CTNND2: variants seen among roughly 807,000 people sequenced by gnomAD.
CTNND2 encodes the protein catenin delta-2.
Under a neutral mutation model 144.4 loss-of-function variants are expected in CTNND2, and 22 were observed. The observed-to-expected ratio is 0.15, with a 90% CI of 0.11 to 0.22. The LOEUF is 0.22. CTNND2 is among the 10% of genes least tolerant of loss of function. CTNND2 has a pLI of 1.00. For missense variants in CTNND2, 1,353 were observed against 1,618.8 expected, an observed-to-expected ratio of 0.84 and a Z score of 2.82; for synonymous variants, 751 against 695.6, an observed-to-expected ratio of 1.08 and a Z score of -1.25.
intron 2 of CTNND2, among the ~76,000 whole-genome samples, chr5:11,688,152 G>C (rs951638331): frequency 2.0e-5 from 3 of 152,132 alleles, no homozygotes; most frequent in African/African-American, 7.2e-5. Context: ...ACTGCCACTG[G>C]CTATTACTAC....
intron 2 of CTNND2, among the ~76,000 whole-genome samples, chr5:11,598,488 T>C (rs1366995500): frequency 1.3e-5 from 2 of 152,186 alleles, no homozygotes; most frequent in African/African-American, 2.4e-5. Flanking sequence ...AAGGTTGATA[T>C]TGTATACACA....
chr5:11,139,603 C>T lies in CTNND2; in HGVS notation c.2159+19973G>A, dbSNP rs549333376. Among the ~76,000 whole-genome samples, 23 of 152,310 alleles carry T rather than the reference C, an allele frequency of 1.5e-4. No homozygotes were observed. The South Asian group carries it at 3.7e-3, about 25-fold the overall frequency. On this transcript the variant is annotated intron_variant, in intron 12 of 21. Transcript: ENST00000304623. ...GTTTGCTGCTAGACCTCGTGTCCTG[C>T]TGGCCAGCTGCTCGTGCAGCTCTGC...
At chr5:11,676,045 G>T (rs1034178450) in intron 2 of CTNND2, among the ~76,000 whole-genome samples, 1 of 151,594 alleles carries the variant, frequency 6.6e-6, no homozygotes, top group African/African-American at 2.4e-5. Flanking sequence ...ATCCTGACTG[G>T]GAGACACCTC....
intron 1 of CTNND2, among the ~76,000 whole-genome samples, chr5:11,822,818 G>C (rs1421962492): frequency 6.6e-6 from 1 of 152,100 alleles, no homozygotes; most frequent in Non-Finnish European, 1.5e-5. Flanking sequence ...AATGGAAGTG[G>C]ATCCTTCCCT....
In CTNND2 at chr5:11,602,469, C is replaced by A. The variant is rs115279735; in HGVS notation, c.175-37413G>T. Among the ~76,000 whole-genome samples, 1,177 of 151,762 alleles carry A rather than the reference C, an allele frequency of 7.8e-3. 10 individuals carry two copies. The highest frequency in any genetic ancestry group is 0.027 in the African/African-American group (1,098 of 41,432). ...CCCTCTTGGCAGTTGAAGCAAGAAA[C>A]AAGGGCACTGCCCTTTGGCCACAGA... is the stretch of plus-strand genomic sequence containing the variant. On this transcript the variant is annotated intron_variant, in intron 2 of 21. Coordinates refer to ENST00000304623, the MANE Select transcript of CTNND2 (RefSeq NM_001332.4).
chr5:11,011,011 C>T (rs1310083361), intron 18 of CTNND2, among the ~76,000 whole-genome samples: 1 of 152,222 alleles, frequency 6.6e-6, no homozygotes, highest in African/African-American at 2.4e-5. Context: ...TTCTTCAAGA[C>T]ATGAGCTCAC....
chr5:11,244,280 A>ATTT (rs11322159), intron 9 of CTNND2, among the ~76,000 whole-genome samples: 60 of 104,072 alleles, frequency 5.8e-4, no homozygotes, highest in African/African-American at 9.2e-4. Context: ...GTCCTATACA[A>ATTT]TTTTTTTTTT....
chr5:11,204,859 C>T (rs1176451703), intron 10 of CTNND2, among the ~76,000 whole-genome samples: 5 of 152,046 alleles, frequency 3.3e-5, no homozygotes, highest in African/African-American at 1.2e-4. Flanking sequence ...GATAGTGAGA[C>T]CCCGAGGGCG....
At chr5:11,874,415 G>A (rs1735398200) in intron 1 of CTNND2, among the ~76,000 whole-genome samples, 3 of 152,134 alleles carry the variant, frequency 2.0e-5, no homozygotes, top group Admixed American at 1.3e-4. Context: ...TAGGCACAGT[G>A]GGAGATTAAC....
At chr5:11,343,695 T>C (rs1370478836) in intron 9 of CTNND2, among the ~76,000 whole-genome samples, 4 of 152,216 alleles carry the variant, frequency 2.6e-5, no homozygotes, top group Non-Finnish European at 5.9e-5. Flanking sequence ...AACATTCTGA[T>C]TCTGCATTTA....
chr5:11,768,786 C>T (rs1010353732), intron 1 of CTNND2, among the ~76,000 whole-genome samples: 6 of 152,272 alleles, frequency 3.9e-5, no homozygotes, highest in Admixed American at 6.5e-5. Flanking sequence ...CCAAGAGAAA[C>T]GAAGCCTCCC....
intron 3 of CTNND2, among the ~76,000 whole-genome samples, chr5:11,433,154 G>A (rs1333486381): frequency 6.6e-6 from 1 of 151,716 alleles, no homozygotes; most frequent in Non-Finnish European, 1.5e-5. Context: ...GCTGAGGCAG[G>A]AGAATGGCGT....
intron 3 of CTNND2, among the ~76,000 whole-genome samples, chr5:11,552,802 C>T (rs1300929789): frequency 6.6e-6 from 1 of 152,204 alleles, no homozygotes. Flanking sequence ...AGCTGACTTT[C>T]CTCTGAAGCA....
At chr5:11,784,055 A>G (rs1790700198) in intron 1 of CTNND2, among the ~76,000 whole-genome samples, 1 of 152,200 alleles carries the variant, frequency 6.6e-6, no homozygotes, top group African/African-American at 2.4e-5. Flanking sequence ...AACAAACCAG[A>G]ACAAAAACAA....
intron 11 of CTNND2, among the ~76,000 whole-genome samples, chr5:11,169,709 T>C (rs1759708045): frequency 6.6e-6 from 1 of 152,192 alleles, no homozygotes; most frequent in Admixed American, 6.5e-5. Context: ...ATCTACCTCA[T>C]AGGTCCTGTT....
intron 9 of CTNND2, among the ~76,000 whole-genome samples, chr5:11,311,530 TCA>T (rs1207841094): frequency 1.2e-5 from 1 of 86,826 alleles, no homozygotes; most frequent in Non-Finnish European, 2.3e-5. Context: ...ACACATACAC[TCA>T]CACACACACT....
chr5:11,174,982 T>A (rs1011223993), intron 11 of CTNND2, among the ~76,000 whole-genome samples: 1 of 152,230 alleles, frequency 6.6e-6, no homozygotes, highest in Non-Finnish European at 1.5e-5. Context: ...ACACAGGTAA[T>A]GCATTTATCT....
At chr5:11,083,236 T>G (rs1580235249) in intron 15 of CTNND2, among the ~76,000 whole-genome samples, 1 of 152,074 alleles carries the variant, frequency 6.6e-6, no homozygotes, top group Non-Finnish European at 1.5e-5. Context: ...AAAATGAGAA[T>G]GGGTTGTGTG....
In CTNND2 at chr5:10,972,444, TACACCCAC is replaced by T. The variant is rs1735940941; in HGVS notation, c.*1001_*1008del. On this transcript the variant is annotated 3_prime_UTR_variant, in exon 22 of 22. Transcript: ENST00000304623. ...AATTTTTCTAGTACGTGGACATACA[TACACCCAC>T]ACACACAGACACACAAGCAAGAATG... 1 of 152,288 alleles carries T rather than the reference TACACCCAC, an allele frequency of 6.6e-6. No homozygotes were observed. Among genetic ancestry groups the T allele is most frequent in the Non-Finnish European group, 1.5e-5 (1 of 68,038 alleles). 9.4% of individuals were successfully genotyped at this position (152,288 alleles called of 1,614,324 possible). A position where few individuals can be genotyped will look rare whatever the true frequency, so the allele number is the denominator to read the frequency against.
Sources: allele counts gnomAD v4.1 joint callset (sites outside exome capture counted in the v4.1 genomes callset), GRCh38; gene constraint gnomAD v4.1.1; transcripts MANE v1.5; gene names NCBI Gene and HGNC (gene_info 2026-07-23, HGNC 2026-07-21).